The following CLSTN1 variants were observed in gnomAD, a reference collection of about 807,000 sequenced individuals.
The protein encoded by CLSTN1 is calsyntenin 1.
In CLSTN1, 28 loss-of-function variants were observed where a neutral mutation model predicts 108.3. The ratio of observed to expected loss-of-function variants is 0.26; its 90% CI spans 0.19 to 0.35. CLSTN1 has a LOEUF of 0.35. CLSTN1 is among the 10% of genes least tolerant of loss of function. The probability of loss-of-function intolerance (pLI) is 1.00; values close to 1 mark genes in which losing one functional copy is unlikely to be tolerated. For synonymous variants in CLSTN1, 524 were observed against 534.9 expected (o/e 0.98, Z 0.28); for missense variants, 1,157 against 1,302.6 (o/e 0.89, Z 1.72).
chr1:9,810,017 C>A, intron 1 of CLSTN1, among the ~76,000 whole-genome samples: 1 of 127,514 alleles, frequency 7.8e-6, no homozygotes, highest in South Asian at 2.8e-4. Context: ...CCAGCCTGGG[C>A]AACAGAGGGA....
intron 1 of CLSTN1, among the ~76,000 whole-genome samples, chr1:9,778,223 A>AACACACACACACACAC (rs57372437): frequency 3.7e-4 from 50 of 134,502 alleles, no homozygotes; most frequent in African/African-American, 8.6e-4. Context: ...TCTCCTCCCC[A>AACACACACACACACAC]ACACACACAC....
intron 1 of CLSTN1, among the ~76,000 whole-genome samples, chr1:9,814,885 G>C (rs1654909904): frequency 7.1e-6 from 1 of 141,668 alleles, no homozygotes. Flanking sequence ...GGGCAACAGA[G>C]CAAGATCCTG....
At chr1:9,765,751 C>T (rs1319193159) in intron 2 of CLSTN1, among the ~76,000 whole-genome samples, 8 of 151,626 alleles carry the variant, frequency 5.3e-5, no homozygotes, top group East Asian at 1.9e-4. Flanking sequence ...GTGGTGGCGG[C>T]GGGCGCCTGT....
At chr1:9,773,140 C>A in intron 2 of CLSTN1, 132 bp downstream of exon 2, 2 of 1,244,442 alleles carry the variant, frequency 1.6e-6, no homozygotes, top group Non-Finnish European at 2.3e-6. Flanking sequence ...AAACATGCTA[C>A]AAAGGACGCT....
intron 10 of CLSTN1, among the ~76,000 whole-genome samples, chr1:9,737,945 C>T (rs1650779245): frequency 6.6e-6 from 1 of 152,186 alleles, no homozygotes; most frequent in African/African-American, 2.4e-5. Context: ...CACCAAGTTC[C>T]GGACCAACAG....
chr1:9,747,562 GCA>G (rs2101101984), intron 7 of CLSTN1, among the ~76,000 whole-genome samples: 1 of 151,886 alleles, frequency 6.6e-6, no homozygotes, highest in East Asian at 2.0e-4. Flanking sequence ...GAGAGTAGTG[GCA>G]CACTCTTGGC....
At chr1:9,784,754 C>T (rs749755014) in intron 1 of CLSTN1, among the ~76,000 whole-genome samples, 1 of 152,178 alleles carries the variant, frequency 6.6e-6, no homozygotes, top group African/African-American at 2.4e-5. Context: ...CCCTTGCATG[C>T]TCCAAGTTCT....
intron 7 of CLSTN1, 35 bp from the exon 8 acceptor site, chr1:9,744,678 G>A (rs1026237544): frequency 1.3e-6 from 2 of 1,580,686 alleles, no homozygotes; most frequent in African/African-American, 2.7e-5. Context: ...CTCATGTGAG[G>A]AGCCAGAGGT....
Position 9,743,916 on chromosome 1 carries a change from T to C in CLSTN1, c.1324A>G (p.Arg442Gly). 1 of 1,614,168 alleles carries C rather than the reference T, an allele frequency of 6.2e-7. No individual in the cohort carries two copies. Among genetic ancestry groups the C allele is most frequent in the Non-Finnish European group, 8.5e-7 (1 of 1,180,020 alleles). The stretch of plus-strand genomic sequence containing the variant: ...AACTTCCAGTGGAACTCTGCAGGTC[T>C]GTATTTCTTCTCCTCAGAAGGATCC... Reference protein sequence around the residue: ...RQDPSEEKKYRPAEFHWKLNQ... With the variant: ...RQDPSEEKKYGPAEFHWKLNQ... The change falls in exon 9 of 19, where the codon AGA (arginine) becomes GGA (glycine). Residue 442 changes from arginine (R) to glycine (G), a missense_variant. Transcript: ENST00000377298.
chr1:9,750,140 G>A lies in CLSTN1; in HGVS notation c.650-227C>T, dbSNP rs1651483940. 1.3e-5 allele frequency: 6 copies of A among 468,134 alleles called. No homozygotes were observed. In the Admixed American group the frequency reaches 2.3e-4, roughly 18 times the overall value. The allele number at this position is 468,134 out of a possible 1,614,324, so 29.0% of individuals were successfully genotyped here. Reference sequence around the variant, plus strand: ...AGAAGAGACGGAGCTACACAGCTCAGTCTCCACTTACTCTCACAGTGTTAC... The same window carrying A: ...AGAAGAGACGGAGCTACACAGCTCAATCTCCACTTACTCTCACAGTGTTAC... On this transcript the variant is annotated intron_variant, in intron 5 of 18. Transcript: ENST00000377298.
rs2101069257 is a variant in CLSTN1, at chr1:9,730,817, TC to T, written c.2749-113del. The T allele has an allele frequency of 9.6e-7, 1 of 1,038,194 alleles. No individual in the cohort carries two copies. Among genetic ancestry groups the T allele is most frequent in the East Asian group, 2.6e-5 (1 of 38,242 alleles). 64.3% of individuals were successfully genotyped at this position (1,038,194 alleles called of 1,614,324 possible). A position where few individuals can be genotyped will look rare whatever the true frequency, so the allele number is the denominator to read the frequency against. On this transcript the variant is annotated intron_variant, in intron 18 of 18. Coordinates refer to ENST00000377298, the MANE Select transcript of CLSTN1 (RefSeq NM_001009566.3). This position sits in a 1 kb window ranked among gnomAD's most constrained non-coding sequence, Gnocchi z 5.6. ...AGGAGAACTTGCCCCAGCGTCTCCC[TC>T]CCCAGCGACAGAGCAGCCAGGACGG...
At position 9,734,520 on chromosome 1, in the gene CLSTN1, A is replaced by T. The variant is rs911444103; in HGVS notation, c.2111-378T>A. ...AACTCAGGAGGTGGATGCTGCAGTT[A>T]GCCAAGATGACACCATTGCACTCCA... On this transcript the variant is annotated intron_variant, in intron 14 of 18. Transcript: ENST00000377298. This position sits in a 1 kb window ranked among gnomAD's most constrained non-coding sequence, Gnocchi z 4.8. Among the ~76,000 whole-genome samples the T allele has an allele frequency of 5.9e-5, 9 of 151,444 alleles. No individual in the cohort carries two copies. The highest frequency in any genetic ancestry group is 2.2e-4 in the African/African-American group (9 of 41,172).
chr1:9,793,597 CA>C lies in CLSTN1; in HGVS notation c.92-20204del. Among the ~76,000 whole-genome samples the C allele has an allele frequency of 1.3e-5, 2 of 151,634 alleles. 1 individual carries two copies. The highest frequency in any genetic ancestry group is 4.3e-4 in the South Asian group (2 of 4,632). On this transcript the variant is annotated intron_variant, in intron 1 of 18. Transcript: ENST00000377298. ...GGCCATTCGAAAGCTTTCTTGTAAG[CA>C]AAGAAGGGAGGTTATCAGCCTTCCT...
chr1:9,809,971 A>G (rs1654661611), intron 1 of CLSTN1, among the ~76,000 whole-genome samples: 1 of 144,948 alleles, frequency 6.9e-6, no homozygotes, highest in Non-Finnish European at 1.5e-5. Context: ...CCTGGGAGGC[A>G]GAGGCTGCAG....
At position 9,730,638 on chromosome 1, in the gene CLSTN1, C is replaced by T. The variant is rs1650316383; in HGVS notation, c.2816G>A (p.Gly939Asp). The T allele has an allele frequency of 6.2e-7, 1 of 1,610,488 alleles. No homozygotes were observed. The change falls in exon 19 of 19, where the codon GGC becomes GAC. Residue 939 changes from glycine (G) to aspartate (D), a missense_variant. Physicochemically the swap from Gly to Asp is moderately conservative, Grantham distance 94. Transcript: ENST00000377298. This position sits in a 1 kb window ranked among gnomAD's most constrained non-coding sequence, Gnocchi z 5.6. ...GCTGGTGATGTCATCCTCTTCTTCG[C>T]CGTCCTCGCTTTCCTCTTCCTCTTC... ...EEEEEEESED[G>D]EEEDDITSAE... is the part of the protein sequence containing the mutation.
chr1:9,736,475 G>C (rs191194145), intron 11 of CLSTN1, among the ~76,000 whole-genome samples: 1 of 152,254 alleles, frequency 6.6e-6, no homozygotes, highest in Admixed American at 6.5e-5. Context: ...ACACAAGCGA[G>C]GCAGGGAGGA....
intron 1 of CLSTN1, among the ~76,000 whole-genome samples, chr1:9,795,845 C>T (rs1653965124): frequency 6.6e-6 from 1 of 150,744 alleles, no homozygotes; most frequent in African/African-American, 2.4e-5. Context: ...GTCCTGGCTA[C>T]TTGGGAGGCT....
At chr1:9,764,098 GAGAA>G (rs998876458) in intron 2 of CLSTN1, among the ~76,000 whole-genome samples, 28 of 149,694 alleles carry the variant, frequency 1.9e-4, no homozygotes, top group South Asian at 4.2e-4. Context: ...CATGGTGAGG[GAGAA>G]AGAAAGAGAG....
intron 1 of CLSTN1, among the ~76,000 whole-genome samples, chr1:9,798,133 AGAGGGGAAGAGGGGAAGAGGGAGGGG>A (rs1304044973): frequency 2.7e-5 from 3 of 110,878 alleles, no homozygotes; most frequent in Non-Finnish European, 5.2e-5. Flanking sequence ...AGAGAGGGGA[AGAGGGGAAGAGGGGAAGAGGGAGGGG>A]GAGGGGAAGA....
Sources: gnomAD v4.1 joint callset for allele counts (sites outside exome capture counted in the v4.1 genomes callset) on GRCh38, gnomAD v4.1.1 for gene constraint, Gnocchi (gnomAD v3.1) non-coding constraint, MANE v1.5 for transcripts, NCBI Gene and HGNC (gene_info 2026-07-23, HGNC 2026-07-21) for gene names.